The following PEX26 variants were observed in gnomAD, a reference collection of about 807,000 sequenced individuals.
The protein encoded by PEX26 is peroxisome assembly protein 26.
A neutral mutation model predicts 31.4 loss-of-function variants in PEX26; 18 were observed. That is an observed-to-expected ratio of 0.57 (90% confidence interval 0.40 to 0.85). PEX26 has a LOEUF of 0.85. Among genes scored for constraint, PEX26 ranks in the 40% least tolerant of loss-of-function variants. The pLI is 0.00. For synonymous variants in PEX26, 176 were observed against 166.9 expected, an observed-to-expected ratio of 1.05 and a Z score of -0.42; for missense variants, 377 against 383.9, an observed-to-expected ratio of 0.98 and a Z score of 0.15.
intron 3 of PEX26, among the ~76,000 whole-genome samples, chr22:18,084,211 A>G (rs1327525254): frequency 6.6e-6 from 1 of 151,018 alleles, no homozygotes; most frequent in Admixed American, 6.6e-5. Flanking sequence ...GAATACTTCA[A>G]GGACAGAAAG....
At position 18,093,800 on chromosome 22, in the gene PEX26, A is replaced by T. The variant is rs1449717130; in HGVS notation, c.*5725A>T. 6.6e-6 allele frequency: 1 copy of T among 152,234 alleles called. No homozygotes were observed. The highest frequency in any genetic ancestry group is 1.5e-5 in the Non-Finnish European group (1 of 68,050). 9.4% of individuals were successfully genotyped at this position (152,234 alleles called of 1,614,324 possible). On this transcript the variant is annotated 3_prime_UTR_variant, in exon 5 of 5. Coordinates refer to ENST00000399744, the MANE Select transcript of PEX26 (RefSeq NM_001127649.3). ...ACCCAACCCTCTTGGCAGCCCATGC[A>T]CTTGAGAACCTGTAGAAAATGGCAG...
At chr22:18,078,852 C>A in intron 1 of PEX26, 1 of 683,508 alleles carries the variant, frequency 1.5e-6, no homozygotes, top group South Asian at 1.5e-5. Flanking sequence ...GGTACAATGA[C>A]ATGATGGGAA....
intron 4 of PEX26, among the ~76,000 whole-genome samples, chr22:18,085,989 C>T (rs890739355): frequency 6.6e-6 from 1 of 152,132 alleles, no homozygotes; most frequent in African/African-American, 2.4e-5. Context: ...ATGAAAAACT[C>T]ATACATTTTA....
Position 18,085,230 on chromosome 22 carries a change from C to T in PEX26, c.786C>T (p.Leu262=), listed in dbSNP as rs759864013. 3.1e-6 allele frequency: 5 copies of T among 1,614,142 alleles called. No homozygotes were observed. The highest frequency in any genetic ancestry group is 4.2e-6 in the Non-Finnish European group (5 of 1,180,012). ...FKKSLLAALI[L]CLLVVRFDPA... is the part of the protein sequence containing the mutation. The stretch of plus-strand genomic sequence containing the variant: ...AGAGTCTCCTGGCTGCCTTGATCCT[C>T]TGTCTCCTGGTGGTGAGATTTGATC... The change falls in exon 4 of 5, where the codon CTC becomes CTT. Residue 262 remains leucine (L), a synonymous_variant. Transcript: ENST00000399744.
chr22:18,080,926 TCTTC>T (rs1046075284), intron 2 of PEX26, among the ~76,000 whole-genome samples: 2 of 151,724 alleles, frequency 1.3e-5, no homozygotes, highest in Non-Finnish European at 2.9e-5. Context: ...CCTCTTCCCG[TCTTC>T]CTTTTCTTCC....
chr22:18,101,269 C>T lies in PEX26; in HGVS notation c.*13194C>T, dbSNP rs759317612. 6.6e-6 allele frequency: 1 copy of T among 152,150 alleles called. No homozygotes were observed. Among genetic ancestry groups the T allele is most frequent in the Non-Finnish European group, 1.5e-5 (1 of 68,044 alleles). 9.4% of individuals were successfully genotyped at this position (152,150 alleles called of 1,614,324 possible). On this transcript the variant is annotated 3_prime_UTR_variant, in exon 5 of 5. Coordinates refer to ENST00000399744, the MANE Select transcript of PEX26 (RefSeq NM_001127649.3). ...GGACATCTCTTTCAGTTGATTCCTA[C>T]AGCCAAGACTAGCTTTGATCCTGGG...
chr22:18,087,763 C>T (rs970814357), intron 4 of PEX26, among the ~76,000 whole-genome samples: 1 of 152,144 alleles, frequency 6.6e-6, no homozygotes, highest in Non-Finnish European at 1.5e-5. Flanking sequence ...GGCTGAGGAT[C>T]GCATGAGCCC....
intron 2 of PEX26, 127 bp downstream of exon 2, chr22:18,080,141 T>A: frequency 9.8e-7 from 1 of 1,017,606 alleles, no homozygotes. Flanking sequence ...TCCCTTCACT[T>A]TTTTTTCCCC....
chr22:18,082,250 A>G (rs1183123963), intron 2 of PEX26, among the ~76,000 whole-genome samples: 3 of 151,770 alleles, frequency 2.0e-5, no homozygotes, highest in Non-Finnish European at 4.4e-5. Flanking sequence ...TTTTGTTACC[A>G]GTGCTTTTAA....
chr22:18,105,130 C>T lies in PEX26; in HGVS notation c.*17055C>T, dbSNP rs1274657902. On this transcript the variant is annotated 3_prime_UTR_variant, in exon 5 of 5. Transcript: ENST00000399744. ...CCTCTGGGCTCCCAGCCTCCCTCAA[C>T]ATCATGACCTCCATCTGTAACACCC... 2.0e-5 allele frequency: 3 copies of T among 152,156 alleles called. No individual in the cohort carries two copies. Among genetic ancestry groups the T allele is most frequent in the Non-Finnish European group, 4.4e-5 (3 of 68,030 alleles). 9.4% of individuals were successfully genotyped at this position (152,156 alleles called of 1,614,324 possible). A position where few individuals can be genotyped will look rare whatever the true frequency, so the allele number is the denominator to read the frequency against.
intron 2 of PEX26, among the ~76,000 whole-genome samples, chr22:18,082,372 T>C (rs1329118533): frequency 1.2e-4 from 18 of 152,322 alleles, no homozygotes; most frequent in Non-Finnish European, 8.8e-5. Flanking sequence ...TGAATCCATT[T>C]TGAGTTAATT....
In PEX26 at chr22:18,078,167, A is replaced by T. The variant is rs982930328; in HGVS notation, c.-210A>T. On this transcript the variant is annotated 5_prime_UTR_variant, in exon 1 of 5. An upstream open reading frame in the 5' UTR loses its in-frame stop. Coordinates refer to ENST00000399744, the MANE Select transcript of PEX26 (RefSeq NM_001127649.3). ...CAAGAATCCTGCAAATCTGACGTGT[A>T]AACTGCTTCCCCAGCCTCCAGGCGA... The T allele has an allele frequency of 7.2e-6, 5 of 695,672 alleles. No homozygotes were observed. In the African/African-American group the frequency reaches 8.8e-5, roughly 12 times the overall value. The allele number at this position is 695,672 out of a possible 1,614,324, so 43.1% of individuals were successfully genotyped here. A position where few individuals can be genotyped will look rare whatever the true frequency, so the allele number is the denominator to read the frequency against.
At position 18,098,636 on chromosome 22, in the gene PEX26, A is replaced by G. The variant is rs901723412; in HGVS notation, c.*10561A>G. 12 of 104,068 alleles carry G rather than the reference A, an allele frequency of 1.2e-4. No individual in the cohort carries two copies. The highest frequency in any genetic ancestry group is 3.1e-4 in the African/African-American group (11 of 35,888). The allele number at this position is 104,068 out of a possible 1,614,324, so 6.4% of individuals were successfully genotyped here. A position where few individuals can be genotyped will look rare whatever the true frequency, so the allele number is the denominator to read the frequency against. ...GACAGAGTGAGATTCTGTCTCAAAA[A>G]AAAGAAAAAAGAAAAAAAAATTACC... On this transcript the variant is annotated 3_prime_UTR_variant, in exon 5 of 5. Transcript: ENST00000399744.
intron 2 of PEX26, 142 bp from the exon 3 acceptor site, chr22:18,083,295 G>A: frequency 2.3e-6 from 2 of 859,750 alleles, no homozygotes; most frequent in South Asian, 1.3e-5. Flanking sequence ...GAATTCCCAT[G>A]AGCATCATCA....
chr22:18,078,522 T>C lies in PEX26; in HGVS notation c.146T>C (p.Leu49Pro). The change falls in exon 1 of 5, where the codon CTG becomes CCG. Residue 49 changes from leucine (L) to proline (P), a missense_variant. Physicochemically the swap from Leu to Pro is moderately conservative, Grantham distance 98. Transcript: ENST00000399744. Reference sequence around the variant, plus strand: ...GCGGCCGACCTCCTGGTGGTGCACCTGGACTTCCGGGCGGCGCTGGAGACC... The same window carrying C: ...GCGGCCGACCTCCTGGTGGTGCACCCGGACTTCCGGGCGGCGCTGGAGACC... ...EEAADLLVVH[L>P]DFRAALETCE... 4.4e-6 allele frequency: 7 copies of C among 1,575,116 alleles called. No individual in the cohort carries two copies. Among genetic ancestry groups the C allele is most frequent in the Non-Finnish European group, 6.0e-6 (7 of 1,163,522 alleles).
At position 18,083,718 on chromosome 22, in the gene PEX26, A is replaced by G. The variant is rs773676634; in HGVS notation, c.653A>G (p.Lys218Arg). 10 of 1,613,986 alleles carry G rather than the reference A, an allele frequency of 6.2e-6. No individual in the cohort carries two copies. In the East Asian group the frequency reaches 1.8e-4, roughly 29 times the overall value. ...QEHSGSEEAQ[K>R]PNLEGSVSHK... ...CACTCAGGCTCTGAGGAGGCCCAGA[A>G]GCCAAACCTGGAAGGTAGGACATTA... Residue 218 changes from lysine to arginine, a missense_variant, in exon 3 of 5, where the codon AAG (lysine) becomes AGG (arginine). Transcript: ENST00000399744.
At chr22:18,081,220 CATAAT>C (rs1404230279) in intron 2 of PEX26, among the ~76,000 whole-genome samples, 4 of 142,198 alleles carry the variant, frequency 2.8e-5, no homozygotes, top group African/African-American at 5.2e-5. Context: ...CATATATACA[CATAAT>C]ATACATATAT....
rs758680493 is a variant in PEX26, at chr22:18,088,153, A to C, written c.*78A>C. 1.0e-6 allele frequency: 1 copy of C among 977,880 alleles called. No individual in the cohort carries two copies. Among genetic ancestry groups the C allele is most frequent in the Admixed American group, 1.7e-5 (1 of 59,204 alleles). 60.6% of individuals were successfully genotyped at this position (977,880 alleles called of 1,614,324 possible). A position where few individuals can be genotyped will look rare whatever the true frequency, so the allele number is the denominator to read the frequency against. On this transcript the variant is annotated 3_prime_UTR_variant, in exon 5 of 5. Coordinates refer to ENST00000399744, the MANE Select transcript of PEX26 (RefSeq NM_001127649.3). The surrounding 1 kb of genome is among the most constrained non-coding windows in gnomAD (Gnocchi z 4.1). Reference sequence around the variant, plus strand: ...CAGAGCGACAGAGCGACACATCCACAGGCGCCCCTGGGGAAATGGGACCAG... The same window carrying C: ...CAGAGCGACAGAGCGACACATCCACCGGCGCCCCTGGGGAAATGGGACCAG...
In PEX26 at chr22:18,098,300, C is replaced by T. The variant is rs545998065; in HGVS notation, c.*10225C>T. On this transcript the variant is annotated 3_prime_UTR_variant, in exon 5 of 5. Coordinates refer to ENST00000399744, the MANE Select transcript of PEX26 (RefSeq NM_001127649.3). The stretch of plus-strand genomic sequence containing the variant: ...GGTTCTGGCTCTGTTACTAATTTGC[C>T]CTATAACTTTGCATAAGTCATTTAA... The T allele has an allele frequency of 2.0e-5, 3 of 152,146 alleles. No homozygotes were observed. The East Asian group carries it at 5.8e-4, about 29-fold the overall frequency. The allele number at this position is 152,146 out of a possible 1,614,324, so 9.4% of individuals were successfully genotyped here.
Sources: gnomAD v4.1 joint callset for allele counts (sites outside exome capture counted in the v4.1 genomes callset) on GRCh38, gnomAD v4.1.1 for gene constraint, Gnocchi (gnomAD v3.1) non-coding constraint, MANE v1.5 for transcripts, NCBI Gene and HGNC (gene_info 2026-07-23, HGNC 2026-07-21) for gene names.